Variants in PTGER3 observed in about 807,000 individuals in gnomAD.
PTGER3 encodes prostaglandin E2 receptor EP3 subtype.
In PTGER3, 22 loss-of-function variants were observed where a neutral mutation model predicts 34.7. The ratio of observed to expected loss-of-function variants is 0.63; its 90% CI spans 0.45 to 0.91. The LOEUF (loss-of-function observed/expected upper bound fraction) is 0.91. Among genes scored for constraint, PTGER3 ranks in the 40% least tolerant of loss-of-function variants. The pLI, the probability that PTGER3 is intolerant of heterozygous loss-of-function variation, is 0.00. For synonymous variants in PTGER3, 241 were observed against 230.1 expected (o/e 1.05, Z -0.43); for missense variants, 468 against 519.4 (o/e 0.90, Z 0.96).
At chr1:70,956,985 ACT>A (rs1218818503) in intron 2 of PTGER3, among the ~76,000 whole-genome samples, 3 of 152,018 alleles carry the variant, frequency 2.0e-5, no homozygotes, top group African/African-American at 7.3e-5. Context: ...ACAGAACAAG[ACT>A]CTGTCTTAAT....
At chr1:71,010,647 A>G (rs1406559254) in intron 2 of PTGER3, 1 of 984,440 alleles carries the variant, frequency 1.0e-6, no homozygotes, top group Non-Finnish European at 1.2e-6. Context: ...ACCCAATGAG[A>G]TGACCTACAG....
intron 2 of PTGER3, among the ~76,000 whole-genome samples, chr1:71,003,961 A>G (rs144751985): frequency 1.1e-3 from 165 of 152,350 alleles, no homozygotes; most frequent in Non-Finnish European, 1.9e-3. Context: ...TGGGAGTACC[A>G]CATACCTATC....
Position 70,971,510 on chromosome 1 carries a change from A to C in PTGER3, c.*220T>G. 8.3e-7 allele frequency: 1 copy of C among 1,210,224 alleles called. No individual in the cohort carries two copies. Among genetic ancestry groups the C allele is most frequent in the Non-Finnish European group, 1.0e-6 (1 of 967,554 alleles). 75.0% of individuals were successfully genotyped at this position (1,210,224 alleles called of 1,614,324 possible). A position where few individuals can be genotyped will look rare whatever the true frequency, so the allele number is the denominator to read the frequency against. ...TTCCCAACTTCTTAAATGCATATTC[A>C]AAATCCCATCCAAGAAACCAATCTA... On this transcript the variant is annotated 3_prime_UTR_variant, in exon 4 of 4. Transcript: ENST00000306666.
At chr1:70,953,798 G>GA in intron 2 of PTGER3, 2 of 1,314,378 alleles carry the variant, frequency 1.5e-6, no homozygotes, top group Non-Finnish European at 2.1e-6. Context: ...ATCTGAAAAA[G>GA]AGTAATAACA....
intron 4 of PTGER3, chr1:70,862,503 A>T (rs1272944146): frequency 3.3e-6 from 2 of 604,960 alleles, no homozygotes; most frequent in Non-Finnish European, 5.7e-6. Flanking sequence ...GGTGAACTAT[A>T]GGGAATTAAG....
chr1:70,897,235 T>C (rs571436627), intron 4 of PTGER3, among the ~76,000 whole-genome samples: 2 of 152,296 alleles, frequency 1.3e-5, no homozygotes, highest in South Asian at 4.1e-4. Context: ...AATGCACTGG[T>C]GTCACATTTC....
At chr1:70,952,034 C>G (rs1650809276), downstream of PTGER3, among the ~76,000 whole-genome samples, 1 of 152,022 alleles carries the variant, frequency 6.6e-6, no homozygotes, top group South Asian at 2.1e-4. Flanking sequence ...TGCAAAGAAC[C>G]TGGGGCAGGA....
chr1:70,975,221 C>T (rs1653566522), intron 2 of PTGER3, among the ~76,000 whole-genome samples: 2 of 152,156 alleles, frequency 1.3e-5, no homozygotes, highest in Admixed American at 6.5e-5. Context: ...ACCACGGTGC[C>T]TGGCACAGAA....
chr1:70,936,572 A>G (rs1180586897), intron 4 of PTGER3, among the ~76,000 whole-genome samples: 1 of 152,196 alleles, frequency 6.6e-6, no homozygotes, highest in African/African-American at 2.4e-5. Context: ...GATCTGACAG[A>G]CATTTTAAAT....
chr1:70,910,282 C>A (rs1391976276), intron 4 of PTGER3, among the ~76,000 whole-genome samples: 1 of 152,244 alleles, frequency 6.6e-6, no homozygotes, highest in Non-Finnish European at 1.5e-5. Context: ...CTGCCTAAAG[C>A]CACAAGGCTG....
At chr1:71,041,002 G>C (rs911568693) in intron 1 of PTGER3, among the ~76,000 whole-genome samples, 1 of 152,148 alleles carries the variant, frequency 6.6e-6, no homozygotes, top group Non-Finnish European at 1.5e-5. Flanking sequence ...CAGGGTGCAG[G>C]AATTCACAGA....
chr1:70,977,383 C>T (rs3819787), intron 2 of PTGER3, among the ~76,000 whole-genome samples: 91,626 of 151,396 alleles, frequency 0.61, 27,914 homozygotes, highest in Middle Eastern at 0.65. Context: ...AGTTTGTCTA[C>T]GAGATTCCTT....
intron 1 of PTGER3, among the ~76,000 whole-genome samples, chr1:71,035,999 G>A (rs1659788775): frequency 6.6e-6 from 1 of 152,208 alleles, no homozygotes; most frequent in Admixed American, 6.5e-5. Flanking sequence ...TTCATAAAGT[G>A]CTCGTTTTTG....
At chr1:71,025,967 A>T (rs777053952) in intron 1 of PTGER3, among the ~76,000 whole-genome samples, 4 of 152,194 alleles carry the variant, frequency 2.6e-5, no homozygotes, top group Non-Finnish European at 5.9e-5. Flanking sequence ...TCAAGTTGTG[A>T]ATCTGGCATT....
At chr1:71,031,397 T>C (rs1659406004) in intron 1 of PTGER3, among the ~76,000 whole-genome samples, 1 of 152,132 alleles carries the variant, frequency 6.6e-6, no homozygotes, top group South Asian at 2.1e-4. Flanking sequence ...TTATTATTAA[T>C]ATCCCAATTC....
chr1:70,865,769 C>G (rs1299514025), intron 4 of PTGER3: 1 of 1,367,304 alleles, frequency 7.3e-7, no homozygotes, highest in Non-Finnish European at 9.8e-7. Context: ...ATCCAAGAAC[C>G]AACGGAAGGG....
intron 4 of PTGER3, among the ~76,000 whole-genome samples, chr1:70,895,660 A>G (rs548062658): frequency 1.1e-4 from 16 of 152,228 alleles, no homozygotes; most frequent in Admixed American, 2.0e-4. Flanking sequence ...TGTTTCACAG[A>G]AACAACCCAT....
At position 70,989,032 on chromosome 1, in the gene PTGER3, T is replaced by TC. The variant is rs368083973; in HGVS notation, c.1078-14645dup. 4.2e-3 allele frequency among the ~76,000 whole-genome samples: 630 copies of TC among 151,550 alleles called. 6 individuals carry two copies. The highest frequency in any genetic ancestry group is 6.9e-3 in the Admixed American group (105 of 15,206). On this transcript the variant is annotated intron_variant, in intron 2 of 3. Transcript: ENST00000306666. ...TAATTTCAAATTGTTTGCATGTAAT[T>TC]CCCCCCCCAAAACTTGTACAATATT...
intron 1 of PTGER3, among the ~76,000 whole-genome samples, chr1:71,029,379 G>T (rs1557757769): frequency 6.6e-6 from 1 of 152,136 alleles, no homozygotes; most frequent in Non-Finnish European, 1.5e-5. Flanking sequence ...GACAAATCTG[G>T]ATTTGACCCC....
Sources: allele counts gnomAD v4.1 joint callset (sites outside exome capture counted in the v4.1 genomes callset), GRCh38; gene constraint gnomAD v4.1.1; transcripts MANE v1.5; gene names NCBI Gene and HGNC (gene_info 2026-07-23, HGNC 2026-07-21).